Variants in ADAMTSL1 observed in about 807,000 individuals in gnomAD.
ADAMTSL1 encodes the protein ADAMTS like 1, also known as ADAMTS-like protein 1.
ADAMTSL1 carries 126 observed loss-of-function variants against 201.8 expected under a neutral mutation model. The observed-to-expected ratio is 0.62, with a 90% CI of 0.54 to 0.72. The LOEUF (loss-of-function observed/expected upper bound fraction) is 0.72. ADAMTSL1 is among the 30% of genes least tolerant of loss of function. ADAMTSL1 has a pLI of 0.00. For missense variants in ADAMTSL1, 2,679 were observed against 2,277.8 expected, an observed-to-expected ratio of 1.18 and a Z score of -3.59; for synonymous variants, 1,121 against 903.4, an observed-to-expected ratio of 1.24 and a Z score of -4.32.
intron 1 of ADAMTSL1, among the ~76,000 whole-genome samples, chr9:17,914,867 A>T (rs1826031642): frequency 6.6e-6 from 1 of 152,224 alleles, no homozygotes; most frequent in Admixed American, 6.5e-5. Context: ...AAGCATTCTT[A>T]TACACCAATA....
At chr9:18,657,814 G>A (rs1393128873) in intron 8 of ADAMTSL1, 64 bp downstream of exon 8, 1 of 1,345,920 alleles carries the variant, frequency 7.4e-7, no homozygotes. Flanking sequence ...GGTATTATAA[G>A]AGTAGAGTTA....
intron 1 of ADAMTSL1, among the ~76,000 whole-genome samples, chr9:18,157,331 T>A (rs1385490406): frequency 6.6e-6 from 1 of 152,062 alleles, no homozygotes; most frequent in Admixed American, 6.6e-5. Flanking sequence ...TTGTTTTCTT[T>A]TTAGAATCCT....
chr9:18,440,968 T>C (rs1431102830), intron 2 of ADAMTSL1, among the ~76,000 whole-genome samples: 1 of 152,150 alleles, frequency 6.6e-6, no homozygotes, highest in Non-Finnish European at 1.5e-5. Context: ...AAGAAAATGT[T>C]GGAATATTAT....
At chr9:18,551,796 C>A (rs1181153724) in intron 3 of ADAMTSL1, among the ~76,000 whole-genome samples, 1 of 151,714 alleles carries the variant, frequency 6.6e-6, no homozygotes, top group Non-Finnish European at 1.5e-5. Context: ...TAAGCATTTA[C>A]TTTTGTTGTT....
At chr9:18,454,654 C>T (rs1587263777) in intron 2 of ADAMTSL1, among the ~76,000 whole-genome samples, 1 of 152,142 alleles carries the variant, frequency 6.6e-6, no homozygotes, top group African/African-American at 2.4e-5. Flanking sequence ...AAACAGAGTT[C>T]CAATCCCACT....
At chr9:18,481,542 A>G (rs1455281058) in intron 1 of ADAMTSL1, among the ~76,000 whole-genome samples, 1 of 151,698 alleles carries the variant, frequency 6.6e-6, no homozygotes, top group Non-Finnish European at 1.5e-5. Flanking sequence ...ACTCTTCTGT[A>G]GGCAACAGTT....
chr9:18,072,888 T>G (rs2131739099), intron 1 of ADAMTSL1, among the ~76,000 whole-genome samples: 1 of 152,344 alleles, frequency 6.6e-6, no homozygotes, highest in Non-Finnish European at 1.5e-5. Context: ...AGACGATATT[T>G]TTCCTTTCTA....
chr9:18,421,028 G>A (rs535054616), intron 2 of ADAMTSL1, among the ~76,000 whole-genome samples: 6 of 152,198 alleles, frequency 3.9e-5, no homozygotes, highest in Non-Finnish European at 7.4e-5. Flanking sequence ...GGGCAGACTG[G>A]GACTGGAACG....
intron 15 of ADAMTSL1, 94 bp downstream of exon 15, chr9:18,721,759 C>T (rs1833398755): frequency 6.8e-7 from 1 of 1,479,318 alleles, no homozygotes; most frequent in Non-Finnish European, 9.0e-7. Context: ...ATTTGTTACT[C>T]AGTGTTTTGA....
At chr9:18,426,851 C>G (rs1470222462) in intron 2 of ADAMTSL1, among the ~76,000 whole-genome samples, 11 of 152,064 alleles carry the variant, frequency 7.2e-5, no homozygotes, top group Admixed American at 2.0e-4. Context: ...ATACACTAAC[C>G]AAATGAAGAA....
rs1455216875 is a variant in ADAMTSL1, at chr9:18,298,230, A to G, written c.207+134249A>G. Among the ~76,000 whole-genome samples the G allele has an allele frequency of 2.0e-5, 3 of 152,210 alleles. No homozygotes were observed. In the South Asian group the frequency reaches 6.2e-4, roughly 32 times the overall value. On this transcript the variant is annotated intron_variant, in intron 2 of 29. Coordinates refer to the ADAMTSL1 transcript ENST00000680146. ...AAGGTATGGAGTATGGCAATTATTT[A>G]CACACAGGAAAGGAGTGACAAGATA...
At chr9:18,011,935 T>G (rs1820070135) in intron 1 of ADAMTSL1, among the ~76,000 whole-genome samples, 2 of 151,844 alleles carry the variant, frequency 1.3e-5, no homozygotes, top group Non-Finnish European at 2.9e-5. Flanking sequence ...TTTGGCAGAG[T>G]GTTCCCTCTT....
intron 2 of ADAMTSL1, among the ~76,000 whole-genome samples, chr9:18,358,067 G>A (rs7047542): frequency 2.0e-5 from 3 of 152,180 alleles, no homozygotes; most frequent in African/African-American, 7.2e-5. Flanking sequence ...TTCAAATCCT[G>A]GCTGTTCCGG....
At chr9:18,178,746 G>T (rs1480540283) in intron 2 of ADAMTSL1, among the ~76,000 whole-genome samples, 2 of 152,080 alleles carry the variant, frequency 1.3e-5, no homozygotes, top group Non-Finnish European at 2.9e-5. Flanking sequence ...CTAACTGGGA[G>T]GCACCCCCAA....
chr9:18,666,832 A>G (rs1829465017), intron 9 of ADAMTSL1, among the ~76,000 whole-genome samples: 1 of 152,174 alleles, frequency 6.6e-6, no homozygotes, highest in African/African-American at 2.4e-5. Flanking sequence ...TGTAAAATAT[A>G]CAACATTTAG....
intron 2 of ADAMTSL1, among the ~76,000 whole-genome samples, chr9:18,266,633 G>A (rs1832126633): frequency 6.6e-6 from 1 of 152,096 alleles, no homozygotes; most frequent in Non-Finnish European, 1.5e-5. Context: ...AAATTCAAGT[G>A]TTTCTAAAGA....
At chr9:18,327,728 G>A (rs563573216) in intron 2 of ADAMTSL1, among the ~76,000 whole-genome samples, 5 of 152,150 alleles carry the variant, frequency 3.3e-5, no homozygotes, top group African/African-American at 1.2e-4. Flanking sequence ...TAATATAAGG[G>A]TGATTATAAA....
chr9:18,854,493 G>A (rs986630101), intron 23 of ADAMTSL1, among the ~76,000 whole-genome samples: 3 of 152,184 alleles, frequency 2.0e-5, no homozygotes, highest in African/African-American at 7.2e-5. Flanking sequence ...CCAGGTAGTT[G>A]AGGGAGATGG....
In ADAMTSL1 at chr9:17,916,824, G is replaced by A. The variant is rs150906294; in HGVS notation, c.87+9902G>A. Among the ~76,000 whole-genome samples the A allele has an allele frequency of 8.9e-3, 1,362 of 152,188 alleles. 12 individuals carry two copies. The highest frequency in any genetic ancestry group is 0.015 in the Non-Finnish European group (996 of 67,992). ...AGATTGCCAATTAAAAGATGCATGC[G>A]GGGATTTGATTAGGAGTGTTTTAAT... On this transcript the variant is annotated intron_variant, in intron 1 of 29. Transcript: ENST00000680146.
Sources: allele counts gnomAD v4.1 joint callset (sites outside exome capture counted in the v4.1 genomes callset), GRCh38; gene constraint gnomAD v4.1.1; transcripts MANE v1.5; gene names NCBI Gene and HGNC (gene_info 2026-07-23, HGNC 2026-07-21).